Variants in MAP3K5 observed in about 807,000 individuals in gnomAD.
MAP3K5 encodes mitogen-activated protein kinase kinase kinase 5, also known as ASK-1.
A neutral mutation model predicts 158.7 loss-of-function variants in MAP3K5; 56 were observed. The observed-to-expected ratio is 0.35, with a 90% CI of 0.28 to 0.44. The LOEUF is 0.44. Ranked by LOEUF, MAP3K5 falls within the 20% of genes least tolerant of loss-of-function variation. The probability of loss-of-function intolerance (pLI) is 1.00; values close to 1 mark genes in which losing one functional copy is unlikely to be tolerated. For missense variants in MAP3K5, 1,294 were observed against 1,674.8 expected, an observed-to-expected ratio of 0.77 and a Z score of 3.97; for synonymous variants, 579 against 601.7, an observed-to-expected ratio of 0.96 and a Z score of 0.55.
intron 1 of MAP3K5, among the ~76,000 whole-genome samples, chr6:136,730,835 G>GAATTC (rs1782194469): frequency 6.6e-6 from 1 of 151,966 alleles, no homozygotes; most frequent in African/African-American, 2.4e-5. Flanking sequence ...CTGGACTCAG[G>GAATTC]AATTCCCCTC....
At chr6:136,560,085 T>C (rs189866420) in intron 28 of MAP3K5, among the ~76,000 whole-genome samples, 24 of 146,512 alleles carry the variant, frequency 1.6e-4, no homozygotes, top group African/African-American at 5.7e-4. Context: ...AACAAAACAA[T>C]ATTGTATTAA....
chr6:136,724,093 C>A (rs1781855669), intron 1 of MAP3K5, among the ~76,000 whole-genome samples: 2 of 151,832 alleles, frequency 1.3e-5, no homozygotes, highest in Non-Finnish European at 2.9e-5. Context: ...AAAACACTTA[C>A]TGATGAAAAA....
At chr6:136,644,775 A>G (rs1033033133) in intron 11 of MAP3K5, among the ~76,000 whole-genome samples, 2 of 152,162 alleles carry the variant, frequency 1.3e-5, no homozygotes, top group Non-Finnish European at 2.9e-5. Flanking sequence ...TGGTCATGTG[A>G]TACAACTTAT....
chr6:136,586,091 T>C (rs567187871), intron 23 of MAP3K5, among the ~76,000 whole-genome samples: 2 of 152,350 alleles, frequency 1.3e-5, no homozygotes, highest in African/African-American at 4.8e-5. Context: ...GATAAGATTA[T>C]ATTGAAAAGC....
intron 1 of MAP3K5, among the ~76,000 whole-genome samples, chr6:136,747,756 C>T (rs1034833360): frequency 6.6e-6 from 1 of 152,136 alleles, no homozygotes; most frequent in South Asian, 2.1e-4. Context: ...TGATGATTAC[C>T]TTTCTCATAA....
intron 7 of MAP3K5, among the ~76,000 whole-genome samples, chr6:136,681,787 C>T (rs531266631): frequency 1.1e-3 from 173 of 152,118 alleles, no homozygotes; most frequent in Middle Eastern, 3.4e-3. Context: ...GGTGTGGTGG[C>T]GGGCGCCTGT....
chr6:136,771,075 T>C (rs1784180566), intron 1 of MAP3K5, among the ~76,000 whole-genome samples: 1 of 152,134 alleles, frequency 6.6e-6, no homozygotes, highest in Admixed American at 6.5e-5. Context: ...CGTTTGAGGC[T>C]CCTGTGGGCC....
intron 7 of MAP3K5, among the ~76,000 whole-genome samples, chr6:136,687,884 C>T (rs1440938985): frequency 1.3e-5 from 2 of 152,114 alleles, no homozygotes; most frequent in African/African-American, 4.8e-5. Context: ...GATCTAGAAC[C>T]AGAAATACCG....
intron 7 of MAP3K5, among the ~76,000 whole-genome samples, chr6:136,682,634 A>T (rs2114600910): frequency 6.6e-6 from 1 of 152,320 alleles, no homozygotes; most frequent in East Asian, 1.9e-4. Context: ...AAACAGACTT[A>T]ATGCTTTTAA....
At chr6:136,605,711 A>T (rs2129087621) in intron 18 of MAP3K5, among the ~76,000 whole-genome samples, 1 of 152,362 alleles carries the variant, frequency 6.6e-6, no homozygotes, top group South Asian at 2.1e-4. Context: ...TAACATCAGT[A>T]CACATTTCTT....
chr6:136,764,208 G>C (rs1783870358), intron 1 of MAP3K5, among the ~76,000 whole-genome samples: 1 of 152,148 alleles, frequency 6.6e-6, no homozygotes, highest in South Asian at 2.1e-4. Context: ...CCCTGTGCAT[G>C]CATATGCCCC....
At chr6:136,659,823 T>C (rs1042978100) in intron 8 of MAP3K5, among the ~76,000 whole-genome samples, 2 of 152,232 alleles carry the variant, frequency 1.3e-5, no homozygotes, top group African/African-American at 4.8e-5. Flanking sequence ...AGTGCGAATG[T>C]TCTTAATGCC....
chr6:136,605,544 T>C (rs570000353), intron 18 of MAP3K5, among the ~76,000 whole-genome samples, 178 bp from the exon 19 acceptor site: 1 of 152,338 alleles, frequency 6.6e-6, no homozygotes, highest in Non-Finnish European at 1.5e-5. Context: ...GAAATAGCAG[T>C]TTTTATAATG....
chr6:136,559,353 AAAAAACAAAAAC>A (rs147599173), intron 28 of MAP3K5, among the ~76,000 whole-genome samples: 71 of 125,168 alleles, frequency 5.7e-4, no homozygotes, highest in South Asian at 1.4e-3. Context: ...CTCCGTCTCA[AAAAAACAAAAAC>A]AAAAACAAAA....
intron 28 of MAP3K5, among the ~76,000 whole-genome samples, chr6:136,559,724 C>G (rs1458858912): frequency 6.6e-6 from 1 of 152,080 alleles, no homozygotes; most frequent in Admixed American, 6.6e-5. Flanking sequence ...TATATAGAGA[C>G]AGTCTCACTA....
At chr6:136,617,888 G>A (rs1203456530) in intron 15 of MAP3K5, among the ~76,000 whole-genome samples, 2 of 152,176 alleles carry the variant, frequency 1.3e-5, no homozygotes, top group African/African-American at 2.4e-5. Context: ...AGCCGAGATC[G>A]CGCCACTGCA....
At chr6:136,610,317 CT>C (rs1342304316) in intron 18 of MAP3K5, among the ~76,000 whole-genome samples, 2 of 152,000 alleles carry the variant, frequency 1.3e-5, no homozygotes, top group Non-Finnish European at 2.9e-5. Flanking sequence ...CTACTGTTAC[CT>C]TTTTGGAAAT....
At chr6:136,605,965 G>A (rs371939098) in intron 18 of MAP3K5, among the ~76,000 whole-genome samples, 6 of 152,262 alleles carry the variant, frequency 3.9e-5, no homozygotes, top group African/African-American at 1.4e-4. Context: ...CATGACTCCT[G>A]CTGCTGTCTG....
At chr6:136,785,914 A>G (rs1390078174) in intron 1 of MAP3K5, among the ~76,000 whole-genome samples, 2 of 152,228 alleles carry the variant, frequency 1.3e-5, no homozygotes, top group Non-Finnish European at 2.9e-5. Flanking sequence ...CAGGCTTCTT[A>G]CAGGCTAGTC....
Sources: gnomAD v4.1 joint callset for allele counts (sites outside exome capture counted in the v4.1 genomes callset) on GRCh38, gnomAD v4.1.1 for gene constraint, MANE v1.5 for transcripts, NCBI Gene and HGNC (gene_info 2026-07-23, HGNC 2026-07-21) for gene names.